CNTNAP4: variants seen among roughly 807,000 people sequenced by gnomAD.
The protein encoded by CNTNAP4 is contactin associated protein family member 4.
A neutral mutation model predicts 148.4 loss-of-function variants in CNTNAP4; 98 were observed. The ratio of observed to expected loss-of-function variants is 0.66; its 90% confidence interval spans 0.56 to 0.78. The LOEUF (loss-of-function observed/expected upper bound fraction) is 0.78. Among genes scored for constraint, CNTNAP4 ranks in the 30% least tolerant of loss-of-function variants. The pLI is 0.00. For missense variants in CNTNAP4, 1,935 were observed against 1,565.6 expected (o/e 1.24, Z -3.98); for synonymous variants, 730 against 565.1 (o/e 1.29, Z -4.14).
intron 12 of CNTNAP4, among the ~76,000 whole-genome samples, chr16:76,482,877 G>C (rs1597691237): frequency 1.3e-5 from 2 of 152,194 alleles, no homozygotes; most frequent in South Asian, 4.2e-4. Context: ...CTTAGGTTTG[G>C]GAATCACTGT....
chr16:76,281,276 A>G (rs753032140), intron 1 of CNTNAP4, among the ~76,000 whole-genome samples: 53 of 152,214 alleles, frequency 3.5e-4, no homozygotes, highest in African/African-American at 1.2e-3. Flanking sequence ...CTAGAATGCA[A>G]TAGTAAAGTA....
At chr16:76,327,890 A>G (rs1255184658) in intron 2 of CNTNAP4, among the ~76,000 whole-genome samples, 1 of 151,020 alleles carries the variant, frequency 6.6e-6, no homozygotes, top group Non-Finnish European at 1.5e-5. Context: ...ATCCAAGTCA[A>G]TAACACATTT....
At chr16:76,319,567 A>T (rs1597178789) in intron 2 of CNTNAP4, among the ~76,000 whole-genome samples, 1 of 152,168 alleles carries the variant, frequency 6.6e-6, no homozygotes, top group Non-Finnish European at 1.5e-5. Flanking sequence ...ATAGGGTCTT[A>T]TCAGATATCA....
chr16:76,493,280 G>A (rs76062037), intron 13 of CNTNAP4, among the ~76,000 whole-genome samples: 151 of 152,268 alleles, frequency 9.9e-4, no homozygotes, highest in African/African-American at 3.5e-3. Context: ...AATGAATAAA[G>A]TGAAATGTGT....
intron 15 of CNTNAP4, among the ~76,000 whole-genome samples, chr16:76,511,350 G>A (rs1358480133): frequency 1.3e-5 from 2 of 152,144 alleles, no homozygotes; most frequent in African/African-American, 2.4e-5. Flanking sequence ...TAGTACAGCT[G>A]TCTGAGAAAT....
intron 23 of CNTNAP4, among the ~76,000 whole-genome samples, chr16:76,556,687 G>C (rs1425736096): frequency 1.3e-5 from 2 of 152,126 alleles, no homozygotes; most frequent in African/African-American, 4.8e-5. Context: ...TCTAAAATGA[G>C]AAGCAAAATA....
chr16:76,398,084 A>G (rs929634301), intron 3 of CNTNAP4, among the ~76,000 whole-genome samples: 2 of 148,484 alleles, frequency 1.3e-5, no homozygotes, highest in Admixed American at 1.4e-4. Flanking sequence ...CCCGAGTCCC[A>G]AAGCTGAAGA....
intron 4 of CNTNAP4, among the ~76,000 whole-genome samples, chr16:76,447,747 T>C (rs2080303097): frequency 6.6e-6 from 1 of 152,188 alleles, no homozygotes; most frequent in Non-Finnish European, 1.5e-5. Flanking sequence ...AATAAGCTAA[T>C]GTAAGTGTTC....
chr16:76,502,617 G>A lies in CNTNAP4; in HGVS notation c.2365+3923G>A, dbSNP rs568356251. Among the ~76,000 whole-genome samples the A allele has an allele frequency of 3.5e-3, 540 of 152,212 alleles. 2 individuals are homozygous for A. The highest frequency in any genetic ancestry group is 0.012 in the African/African-American group (517 of 41,552). On this transcript the variant is annotated intron_variant, in intron 15 of 23. Coordinates refer to ENST00000611870, the MANE Select transcript of CNTNAP4 (RefSeq NM_033401.5). ...TCAAGTGACCTCTGATGTAAGACAA[G>A]GAAAAGATGAGAGCTTGAACTAGGC...
intron 4 of CNTNAP4, among the ~76,000 whole-genome samples, chr16:76,429,812 C>T (rs1355027202): frequency 6.6e-6 from 1 of 152,128 alleles, no homozygotes; most frequent in Non-Finnish European, 1.5e-5. Flanking sequence ...AGCATACTGT[C>T]CATGTATTTG....
intron 10 of CNTNAP4, among the ~76,000 whole-genome samples, chr16:76,473,618 C>A (rs886874253): frequency 6.6e-6 from 1 of 151,898 alleles, no homozygotes; most frequent in Non-Finnish European, 1.5e-5. Context: ...CTAAAAAATA[C>A]AAAAAATTAG....
At chr16:76,428,157 C>G (rs1467145559) in intron 4 of CNTNAP4, among the ~76,000 whole-genome samples, 1 of 152,092 alleles carries the variant, frequency 6.6e-6, no homozygotes, top group Non-Finnish European at 1.5e-5. Flanking sequence ...ATAGAAACCA[C>G]AGATTTCACT....
At chr16:76,545,402 A>G (rs1341361709) in intron 21 of CNTNAP4, among the ~76,000 whole-genome samples, 1 of 152,196 alleles carries the variant, frequency 6.6e-6, no homozygotes, top group Non-Finnish European at 1.5e-5. Flanking sequence ...AAAGAATCAC[A>G]TTACCTGATT....
rs886161998 is a variant in CNTNAP4, at chr16:76,328,747, G to A, written c.196+12224G>A. Among the ~76,000 whole-genome samples, 3 of 152,116 alleles carry A rather than the reference G, an allele frequency of 2.0e-5. No individual in the cohort carries two copies. The East Asian group carries it at 5.8e-4, about 29-fold the overall frequency. On this transcript the variant is annotated intron_variant, in intron 2 of 23. Coordinates refer to ENST00000611870, the MANE Select transcript of CNTNAP4 (RefSeq NM_033401.5). ...TGCAACCTCCGCCTCCCAGGTTCAA[G>A]TGATTCTCCTGCCTCAGCCTCCTGA...
intron 15 of CNTNAP4, among the ~76,000 whole-genome samples, chr16:76,500,100 G>T (rs2082568318): frequency 1.3e-5 from 2 of 152,102 alleles, no homozygotes; most frequent in Admixed American, 1.3e-4. Flanking sequence ...GTGGCGGCGG[G>T]GCAGAGGGGC....
intron 12 of CNTNAP4, among the ~76,000 whole-genome samples, chr16:76,484,429 A>G (rs2081952837): frequency 6.6e-6 from 1 of 152,230 alleles, no homozygotes; most frequent in South Asian, 2.1e-4. Flanking sequence ...ACAGATACCC[A>G]GAGACAGCTA....
At chr16:76,441,632 G>A (rs1469388964) in intron 4 of CNTNAP4, among the ~76,000 whole-genome samples, 1 of 152,148 alleles carries the variant, frequency 6.6e-6, no homozygotes, top group Non-Finnish European at 1.5e-5. Flanking sequence ...AGAACCCACA[G>A]ATGGCTTGAA....
Position 76,521,311 on chromosome 16 carries a change from G to GTT in CNTNAP4, c.2536+2_2536+3insTT. On this transcript the variant is annotated splice_donor_variant, in intron 16 of 23. Coordinates refer to ENST00000611870, the MANE Select transcript of CNTNAP4 (RefSeq NM_033401.5). LOFTEE classifies it high-confidence loss of function. ...GATTTTATACGGATAGAGCTTCGCT[G>GTT]TAAGTCTCCTTTTCCAGAGAAGTGT... 1 of 1,595,772 alleles carries GTT rather than the reference G, an allele frequency of 6.3e-7. No individual in the cohort carries two copies.
intron 1 of CNTNAP4, among the ~76,000 whole-genome samples, chr16:76,287,016 T>A (rs1041369492): frequency 1.3e-5 from 2 of 152,194 alleles, no homozygotes; most frequent in African/African-American, 4.8e-5. Context: ...TGCTGTACTT[T>A]AACATGACAA....
Sources: allele counts gnomAD v4.1 joint callset (sites outside exome capture counted in the v4.1 genomes callset), GRCh38; gene constraint gnomAD v4.1.1; transcripts MANE v1.5; gene names NCBI Gene and HGNC (gene_info 2026-07-23, HGNC 2026-07-21).